NXPH1: variants seen among roughly 807,000 people sequenced by gnomAD.
The protein encoded by NXPH1 is neurexophilin 1, also known as neurexophilin-1.
In NXPH1, 5 loss-of-function variants were observed where a neutral mutation model predicts 23.7. The ratio of observed to expected loss-of-function variants is 0.21; its 90% CI spans 0.11 to 0.44. NXPH1 has a LOEUF of 0.44. Among genes scored for constraint, NXPH1 ranks in the 20% least tolerant of loss-of-function variants. NXPH1 has a pLI of 0.99. For synonymous variants in NXPH1, 144 were observed against 122.2 expected, an observed-to-expected ratio of 1.18 and a Z score of -1.18; for missense variants, 324 against 321.6, an observed-to-expected ratio of 1.01 and a Z score of -0.06.
At chr7:8,641,202 T>G (rs1049350806) in intron 2 of NXPH1, among the ~76,000 whole-genome samples, 1 of 152,194 alleles carries the variant, frequency 6.6e-6, no homozygotes, top group Non-Finnish European at 1.5e-5. Flanking sequence ...GGGACATTTT[T>G]ATTGTTAATT....
intron 2 of NXPH1, among the ~76,000 whole-genome samples, chr7:8,680,095 T>A (rs557292509): frequency 6.6e-6 from 1 of 152,386 alleles, no homozygotes; most frequent in Admixed American, 6.5e-5. Flanking sequence ...ACCTGATTAC[T>A]CTCATCAACA....
intron 2 of NXPH1, among the ~76,000 whole-genome samples, chr7:8,459,233 C>A (rs1043558370): frequency 5.9e-5 from 9 of 151,540 alleles, no homozygotes; most frequent in Non-Finnish European, 8.8e-5. Flanking sequence ...TTCATTTTTA[C>A]CTGAATTCCA....
rs556350231 is a variant in NXPH1 at position 8,525,742 on chromosome 7, C to A, written c.54+89975C>A. On this transcript the variant is annotated intron_variant, in intron 2 of 2. Coordinates refer to ENST00000405863, the MANE Select transcript of NXPH1 (RefSeq NM_152745.3). Reference sequence around the variant, plus strand: ...AAGCCCCAAGCCTTGGCAGCTTCCACGTGGTGTTGAGCATGTGGGTGCACA... The same window carrying A: ...AAGCCCCAAGCCTTGGCAGCTTCCAAGTGGTGTTGAGCATGTGGGTGCACA... 5.9e-5 allele frequency among the ~76,000 whole-genome samples: 9 copies of A among 152,318 alleles called. No homozygotes were observed. The East Asian group carries it at 1.7e-3, about 29-fold the overall frequency.
intron 2 of NXPH1, among the ~76,000 whole-genome samples, chr7:8,637,794 G>C (rs547055458): frequency 1.3e-5 from 2 of 152,158 alleles, no homozygotes; most frequent in African/African-American, 2.4e-5. Context: ...TCTTACATAA[G>C]TGGTTTAAGT....
rs1780573454 is a variant in NXPH1 at position 8,752,013 on chromosome 7, A to G, written c.*244A>G. On this transcript the variant is annotated 3_prime_UTR_variant, in exon 3 of 3. Transcript: ENST00000405863. ...TTCACACCTGAAGACATGCTCTCAC[A>G]TATAGAGGTACACAAACACACCGTC... The G allele has an allele frequency of 2.2e-6, 1 of 461,092 alleles. No individual in the cohort carries two copies. Among genetic ancestry groups the G allele is most frequent in the Non-Finnish European group, 3.9e-6 (1 of 255,258 alleles). 28.6% of individuals were successfully genotyped at this position (461,092 alleles called of 1,614,324 possible).
intron 2 of NXPH1, among the ~76,000 whole-genome samples, chr7:8,612,513 G>T (rs945783955): frequency 6.6e-6 from 1 of 151,890 alleles, no homozygotes; most frequent in Non-Finnish European, 1.5e-5. Flanking sequence ...TACTGACTTG[G>T]CCAGTTTTGC....
intron 2 of NXPH1, among the ~76,000 whole-genome samples, chr7:8,595,901 G>A (rs1819212204): frequency 1.3e-5 from 2 of 151,920 alleles, no homozygotes; most frequent in African/African-American, 4.8e-5. Context: ...CTCTTAAAAG[G>A]TTATTATAAG....
chr7:8,501,257 C>T (rs909420896), intron 2 of NXPH1, among the ~76,000 whole-genome samples: 4 of 151,968 alleles, frequency 2.6e-5, no homozygotes, highest in Middle Eastern at 3.2e-3. Flanking sequence ...TTCATGTGCA[C>T]AATGCAAACA....
At chr7:8,473,223 A>G (rs1273129063) in intron 2 of NXPH1, among the ~76,000 whole-genome samples, 2 of 152,180 alleles carry the variant, frequency 1.3e-5, no homozygotes, top group Non-Finnish European at 2.9e-5. Context: ...CTAGGACTAT[A>G]CATGCTTTAT....
chr7:8,651,588 A>G lies in NXPH1; in HGVS notation c.55-99420A>G, dbSNP rs1820493280. Reference sequence around the variant, plus strand: ...GTTGAACTAGTTTACAGTCCCACCAACAGTGTAAAAGTGTTCCTATAATTT... The same window carrying G: ...GTTGAACTAGTTTACAGTCCCACCAGCAGTGTAAAAGTGTTCCTATAATTT... On this transcript the variant is annotated intron_variant, in intron 2 of 2. Coordinates refer to ENST00000405863, the MANE Select transcript of NXPH1 (RefSeq NM_152745.3). Among the ~76,000 whole-genome samples the G allele has an allele frequency of 2.0e-5, 3 of 152,126 alleles. No homozygotes were observed. In the South Asian group the frequency reaches 6.2e-4, roughly 32 times the overall value.
At chr7:8,520,922 A>G (rs1817760776) in intron 2 of NXPH1, among the ~76,000 whole-genome samples, 1 of 152,130 alleles carries the variant, frequency 6.6e-6, no homozygotes, top group South Asian at 2.1e-4. Context: ...ATTCACATGC[A>G]GTTGATTGAG....
chr7:8,462,015 A>G (rs914477715), intron 2 of NXPH1, among the ~76,000 whole-genome samples: 1 of 150,734 alleles, frequency 6.6e-6, no homozygotes, highest in Non-Finnish European at 1.5e-5. Flanking sequence ...TTAAATGACC[A>G]CACTGTTATG....
chr7:8,495,821 A>G (rs1357192889), intron 2 of NXPH1, among the ~76,000 whole-genome samples: 1 of 152,000 alleles, frequency 6.6e-6, no homozygotes, highest in African/African-American at 2.4e-5. Context: ...GGAGTGGGGA[A>G]TGGGCCTATG....
At chr7:8,465,837 A>G (rs568954945) in intron 2 of NXPH1, among the ~76,000 whole-genome samples, 1 of 152,338 alleles carries the variant, frequency 6.6e-6, no homozygotes, top group African/African-American at 2.4e-5. Context: ...CCCCCTGAAC[A>G]GAAGTGATGG....
chr7:8,529,796 C>T (rs1563337118), intron 2 of NXPH1, among the ~76,000 whole-genome samples: 1 of 151,938 alleles, frequency 6.6e-6, no homozygotes, highest in Non-Finnish European at 1.5e-5. Context: ...TCCTTTTCTT[C>T]CTGAATTAAA....
At position 8,435,895 on chromosome 7, in the gene NXPH1, G is replaced by T; in HGVS notation, c.54+128G>T. ...GCAGCTTCCTAGCAGCTGTGTTGGA[G>T]CAACTTTGGCAAGCTGGTCTCTGGA... is the stretch of plus-strand genomic sequence containing the variant. On this transcript the variant is annotated intron_variant, in intron 2 of 2. Coordinates refer to ENST00000405863, the MANE Select transcript of NXPH1 (RefSeq NM_152745.3). This position sits in a 1 kb window ranked among gnomAD's most constrained non-coding sequence, Gnocchi z 5.9. The T allele has an allele frequency of 2.3e-6, 2 of 868,294 alleles. No homozygotes were observed. The highest frequency in any genetic ancestry group is 1.8e-5 in the Admixed American group (1 of 55,872). 53.8% of individuals were successfully genotyped at this position (868,294 alleles called of 1,614,324 possible).
At chr7:8,456,636 T>C (rs1205019148) in intron 2 of NXPH1, among the ~76,000 whole-genome samples, 1 of 152,176 alleles carries the variant, frequency 6.6e-6, no homozygotes, top group African/African-American at 2.4e-5. Flanking sequence ...AACTTTTTTT[T>C]TGTCTATTTG....
chr7:8,448,354 T>C (rs1365115989), intron 2 of NXPH1, among the ~76,000 whole-genome samples: 1 of 152,254 alleles, frequency 6.6e-6, no homozygotes, highest in Non-Finnish European at 1.5e-5. Flanking sequence ...TCCCATGTGC[T>C]TCCAGCACAG....
intron 2 of NXPH1, among the ~76,000 whole-genome samples, chr7:8,552,781 C>G (rs1818299731): frequency 6.6e-6 from 1 of 151,568 alleles, no homozygotes; most frequent in Non-Finnish European, 1.5e-5. Context: ...CACCATTCGA[C>G]TACCCTTAAT....
Sources: allele counts gnomAD v4.1 joint callset (sites outside exome capture counted in the v4.1 genomes callset), GRCh38; gene constraint gnomAD v4.1.1; non-coding constraint Gnocchi (gnomAD v3.1); transcripts MANE v1.5; gene names NCBI Gene and HGNC (gene_info 2026-07-23, HGNC 2026-07-21).